The following VTI1A variants were observed in gnomAD, a reference collection of about 807,000 sequenced individuals.
VTI1A encodes vesicle transport through interaction with t-SNAREs homolog 1A.
VTI1A carries 22 observed loss-of-function variants against 34.9 expected under a neutral mutation model. The ratio of observed to expected loss-of-function variants is 0.63; its 90% CI spans 0.45 to 0.90. VTI1A has a LOEUF of 0.90. Among genes scored for constraint, VTI1A ranks in the 40% least tolerant of loss-of-function variants. The pLI is 0.00. For missense variants in VTI1A, 268 were observed against 275.6 expected (o/e 0.97, Z 0.20); for synonymous variants, 87 against 97.3 (o/e 0.89, Z 0.62).
At chr10:112,468,928 C>G (rs1847991239) in intron 3 of VTI1A, among the ~76,000 whole-genome samples, 1 of 152,204 alleles carries the variant, frequency 6.6e-6, no homozygotes, top group South Asian at 2.1e-4. Context: ...AATATCTCTA[C>G]TACTGAAAGC....
At chr10:112,625,640 CAAA>C (rs766419906) in intron 5 of VTI1A, among the ~76,000 whole-genome samples, 1 of 82,608 alleles carries the variant, frequency 1.2e-5, no homozygotes, top group Non-Finnish European at 2.1e-5. Flanking sequence ...AACTCTGTCT[CAAA>C]AAAAAAAAAG....
chr10:112,800,860 A>G (rs1480782279), intron 7 of VTI1A, among the ~76,000 whole-genome samples: 7 of 152,156 alleles, frequency 4.6e-5, no homozygotes, highest in Admixed American at 3.3e-4. Context: ...TCATTTTCAC[A>G]CTAAAACAGT....
At chr10:112,805,209 C>A (rs1357203568) in intron 7 of VTI1A, among the ~76,000 whole-genome samples, 1 of 152,068 alleles carries the variant, frequency 6.6e-6, no homozygotes, top group East Asian at 1.9e-4. Context: ...AAATCACAGA[C>A]AGTGGGCTAT....
At chr10:112,797,284 T>C (rs139695360) in intron 7 of VTI1A, among the ~76,000 whole-genome samples, 1,899 of 152,248 alleles carry the variant, frequency 0.012, 78 homozygotes, top group Admixed American at 0.083. Flanking sequence ...AAAACAAATA[T>C]ATACAGAGAG....
the VTI1A span, among the ~76,000 whole-genome samples, chr10:112,836,342 C>T: frequency 6.6e-6 from 1 of 152,182 alleles, no homozygotes; most frequent in African/African-American, 2.4e-5. Flanking sequence ...GAAGATCCTT[C>T]CTTGGTTATA....
chr10:112,525,786 G>A (rs749929707), intron 3 of VTI1A, among the ~76,000 whole-genome samples: 1 of 152,130 alleles, frequency 6.6e-6, no homozygotes, highest in Non-Finnish European at 1.5e-5. Flanking sequence ...TCTATTGGTT[G>A]TTCTTGTCTA....
intron 5 of VTI1A, among the ~76,000 whole-genome samples, chr10:112,619,944 G>A (rs1429489039): frequency 2.0e-5 from 3 of 152,106 alleles, no homozygotes; most frequent in Admixed American, 2.0e-4. Flanking sequence ...ATGTGGTTCG[G>A]GAAGGTCTCG....
intron 3 of VTI1A, among the ~76,000 whole-genome samples, chr10:112,495,031 G>A (rs1848961548): frequency 6.6e-6 from 1 of 151,938 alleles, no homozygotes; most frequent in African/African-American, 2.4e-5. Context: ...CTCAGTAATT[G>A]TTTAAGGTAT....
chr10:112,619,124 T>C (rs1021649474), intron 5 of VTI1A, among the ~76,000 whole-genome samples: 1 of 151,966 alleles, frequency 6.6e-6, no homozygotes, highest in Non-Finnish European at 1.5e-5. Flanking sequence ...AATTGTCATA[T>C]TGGTAATGTC....
chr10:112,663,685 A>G (rs1847544133), intron 5 of VTI1A, among the ~76,000 whole-genome samples: 1 of 152,214 alleles, frequency 6.6e-6, no homozygotes. Context: ...CCAGGAAGCT[A>G]TGCTAAATGC....
chr10:112,707,993 T>A (rs1849259828), intron 7 of VTI1A, among the ~76,000 whole-genome samples: 1 of 152,238 alleles, frequency 6.6e-6, no homozygotes, highest in Non-Finnish European at 1.5e-5. Flanking sequence ...TTTTCACCCC[T>A]GTTCCTGGTG....
intron 5 of VTI1A, among the ~76,000 whole-genome samples, chr10:112,629,373 C>T (rs757730399): frequency 1.4e-4 from 22 of 152,244 alleles, no homozygotes; most frequent in Non-Finnish European, 2.9e-4. Flanking sequence ...TTCCTCCTAT[C>T]GCCGTCATTC....
Position 112,815,350 on chromosome 10 carries a change from G to A in VTI1A, c.621G>A (p.Leu207=), listed in dbSNP as rs1853487483. The part of the protein sequence containing the change: ...ILGIIVVITI[L]MAITFSVRRH ...GGATCATCGTGGTCATCACCATCCT[G>A]ATGGCGATCACTTTTTCTGTCAGAA... The change falls in exon 8 of 8, where the codon CTG becomes CTA. Residue 207 remains leucine, a synonymous_variant. Coordinates refer to ENST00000393077, the MANE Select transcript of VTI1A (RefSeq NM_145206.4). 6.2e-7 allele frequency: 1 copy of A among 1,614,048 alleles called. No homozygotes were observed. The highest frequency in any genetic ancestry group is 1.1e-5 in the South Asian group (1 of 91,060).
chr10:112,492,896 C>T (rs377036924), intron 3 of VTI1A, among the ~76,000 whole-genome samples: 2 of 152,022 alleles, frequency 1.3e-5, no homozygotes, highest in African/African-American at 2.4e-5. Flanking sequence ...CAAACATAAC[C>T]GTAATCGAGT....
chr10:112,668,120 AT>A (rs761995717), intron 5 of VTI1A, 97 bp from the exon 6 acceptor site: 57 of 890,364 alleles, frequency 6.4e-5, no homozygotes, highest in Non-Finnish European at 1.0e-4. Context: ...TAATGCATGC[AT>A]GCAACTTTAA....
At chr10:112,548,954 ATCTT>A (rs546809426) in intron 5 of VTI1A, 7 of 694,316 alleles carry the variant, frequency 1.0e-5, no homozygotes, top group African/African-American at 1.8e-5. Flanking sequence ...TCATAATTAT[ATCTT>A]TCTTTCTTCT....
At chr10:112,821,935 G>A (rs952983554), downstream of VTI1A, among the ~76,000 whole-genome samples, 7 of 152,188 alleles carry the variant, frequency 4.6e-5, no homozygotes, top group African/African-American at 1.7e-4. Context: ...ACACCCTCGC[G>A]GTGGTGGATG....
intron 5 of VTI1A, among the ~76,000 whole-genome samples, chr10:112,544,664 T>C (rs1851007845): frequency 6.6e-6 from 1 of 151,750 alleles, no homozygotes; most frequent in Admixed American, 6.6e-5. Flanking sequence ...CTACCTTACA[T>C]TGGCTAGTCA....
intron 5 of VTI1A, among the ~76,000 whole-genome samples, chr10:112,651,705 T>C (rs1374884468): frequency 6.6e-6 from 1 of 152,234 alleles, no homozygotes; most frequent in Admixed American, 6.5e-5. Flanking sequence ...AATTATTTTT[T>C]AGAACTGTGA....
Sources: allele counts gnomAD v4.1 joint callset (sites outside exome capture counted in the v4.1 genomes callset), GRCh38; gene constraint gnomAD v4.1.1; transcripts MANE v1.5; gene names NCBI Gene and HGNC (gene_info 2026-07-23, HGNC 2026-07-21).